ANKHD1: variants seen among roughly 807,000 people sequenced by gnomAD.
ANKHD1 encodes ankyrin repeat and KH domain-containing protein 1.
Under a neutral mutation model 230.5 loss-of-function variants are expected in ANKHD1, and 31 were observed. The observed-to-expected ratio is 0.13, with a 90% confidence interval of 0.10 to 0.18. ANKHD1 has a LOEUF of 0.18. Among genes scored for constraint, ANKHD1 ranks in the 10% least tolerant of loss-of-function variants. ANKHD1 has a pLI of 1.00. For synonymous variants in ANKHD1, 1,074 were observed against 1,117.6 expected (o/e 0.96, Z 0.78); for missense variants, 2,256 against 3,071.3 (o/e 0.73, Z 6.27).
chr5:140,496,461 C>CTTT (rs770445733), intron 14 of ANKHD1, 59 bp from the exon 15 acceptor site: 467 of 512,548 alleles, frequency 9.1e-4, no homozygotes, highest in Non-Finnish European at 9.3e-4. Flanking sequence ...TTTTTCTTTT[C>CTTT]TTTTTTTTTT....
In ANKHD1 at chr5:140,528,593, CCTT is replaced by C. The variant is rs767513242; in HGVS notation, c.5650_5652del (p.Ser1884del). On this transcript the variant is annotated inframe_deletion, in exon 29 of 34. Coordinates refer to ENST00000360839, the MANE Select transcript of ANKHD1 (RefSeq NM_017747.3). ...GGCCCAGTTTGGAGGAACCTTCTCA[CCTT>C]CTCCTAACACATGGGGACCATTCCC... is the stretch of plus-strand genomic sequence containing the variant. The C allele has an allele frequency of 6.2e-7, 1 of 1,614,184 alleles. No individual in the cohort carries two copies. Among genetic ancestry groups the C allele is most frequent in the Non-Finnish European group, 8.5e-7 (1 of 1,180,036 alleles).
At chr5:140,425,100 C>G (rs2126881953) in intron 1 of ANKHD1, among the ~76,000 whole-genome samples, 1 of 152,192 alleles carries the variant, frequency 6.6e-6, no homozygotes, top group African/African-American at 2.4e-5. Flanking sequence ...ATAATAGATT[C>G]TGTGTTAAAG....
chr5:140,457,983 A>C (rs1424851398), intron 7 of ANKHD1, among the ~76,000 whole-genome samples: 7 of 152,202 alleles, frequency 4.6e-5, no homozygotes, highest in Non-Finnish European at 1.0e-4. Flanking sequence ...CTATGCAGAT[A>C]GGCCATGGTA....
At chr5:140,411,349 G>A (rs1344734234) in intron 1 of ANKHD1, among the ~76,000 whole-genome samples, 5 of 152,142 alleles carry the variant, frequency 3.3e-5, no homozygotes, top group Non-Finnish European at 5.9e-5. Flanking sequence ...TGAAAAATAG[G>A]CCATCTGATT....
chr5:140,533,908 GTTTTGCTAACATCTAC>G (rs1177899101), intron 29 of ANKHD1, among the ~76,000 whole-genome samples: 1 of 151,694 alleles, frequency 6.6e-6, no homozygotes, highest in African/African-American at 2.4e-5. Flanking sequence ...CTACCTCTAG[GTTTTGCTAACATCTAC>G]TTTGGTTAGC....
intron 15 of ANKHD1, among the ~76,000 whole-genome samples, chr5:140,500,955 A>T (rs900503452): frequency 2.0e-5 from 3 of 152,120 alleles, no homozygotes; most frequent in African/African-American, 7.2e-5. Flanking sequence ...CTTAAATTGT[A>T]ATTTTAAAGT....
intron 10 of ANKHD1, among the ~76,000 whole-genome samples, chr5:140,466,274 C>G (rs925498526): frequency 1.3e-5 from 2 of 152,002 alleles, no homozygotes; most frequent in Admixed American, 1.3e-4. Flanking sequence ...GCCTGTAATC[C>G]CAGCTACTTG....
At chr5:140,417,430 T>C (rs181502912) in intron 1 of ANKHD1, among the ~76,000 whole-genome samples, 2 of 151,592 alleles carry the variant, frequency 1.3e-5, no homozygotes, top group Non-Finnish European at 2.9e-5. Flanking sequence ...AATTAAAAAA[T>C]TTTTTAATTT....
chr5:140,415,503 A>G (rs1395753482), intron 1 of ANKHD1, among the ~76,000 whole-genome samples: 1 of 137,324 alleles, frequency 7.3e-6, no homozygotes, highest in African/African-American at 2.8e-5. Context: ...CAATGGTGCG[A>G]TCTCGGCTCA....
Position 140,539,079 on chromosome 5 carries a change from A to C in ANKHD1, c.7565A>C (p.Gln2522Pro). The part of the protein sequence containing the change: ...IQNSTECTDA[Q>P]QIWPGTWAPH... ...AATTCAACTGAATGCACTGATGCCC[A>C]GCAGGTAAAATGGGCTTAATGCTCT... The change falls in exon 33 of 34, where the codon CAG (glutamine) becomes CCG (proline). Residue 2522 changes from glutamine (Q) to proline (P), a missense_variant. This residue lies in a region of ANKHD1 where 778 missense variants were observed against 966.5 expected (regional missense o/e 0.80). Transcript: ENST00000360839. 1 of 1,599,298 alleles carries C rather than the reference A, an allele frequency of 6.3e-7. No individual in the cohort carries two copies. The highest frequency in any genetic ancestry group is 8.5e-7 in the Non-Finnish European group (1 of 1,174,994).
intron 24 of ANKHD1, among the ~76,000 whole-genome samples, chr5:140,515,234 C>T (rs181676901): frequency 2.6e-4 from 39 of 148,932 alleles, no homozygotes; most frequent in African/African-American, 8.2e-4. Context: ...GCTGAGATCA[C>T]GCCACTACAC....
intron 1 of ANKHD1, among the ~76,000 whole-genome samples, chr5:140,433,690 A>G (rs781361864): frequency 8.5e-5 from 13 of 152,164 alleles, no homozygotes; most frequent in Non-Finnish European, 1.9e-4. Flanking sequence ...TTTAGTAAAT[A>G]TTGAGAGAAT....
At chr5:140,478,173 T>C (rs893721604) in intron 10 of ANKHD1, among the ~76,000 whole-genome samples, 2 of 152,126 alleles carry the variant, frequency 1.3e-5, no homozygotes, top group East Asian at 3.8e-4. Flanking sequence ...GTACATGATA[T>C]TCTATGGTAT....
chr5:140,442,921 T>C (rs1773971295), intron 5 of ANKHD1, among the ~76,000 whole-genome samples: 1 of 152,034 alleles, frequency 6.6e-6, no homozygotes, highest in Non-Finnish European at 1.5e-5. Context: ...TTGTTTTTTT[T>C]TTGAGATGGA....
Position 140,524,155 on chromosome 5 carries a change from G to T in ANKHD1, c.4407G>T (p.Arg1469Ser), listed in dbSNP as rs770196924. ...KRKKKKEEQK[R>S]KQEEDEENKP... ...AAAAGAAAAAAGAGGAACAGAAAAG[G>T]AAACAGGAAGAAGATGAAGAAAACA... The change falls in exon 25 of 34, where the codon AGG (arginine) becomes AGT (serine). Residue 1469 changes from arginine to serine, a missense_variant. Around this residue, in one of 13 missense-constraint regions of ANKHD1, gnomAD observed 195 missense variants for 340.3 expected, o/e 0.57. Coordinates refer to ENST00000360839, the MANE Select transcript of ANKHD1 (RefSeq NM_017747.3). 7 of 1,598,706 alleles carry T rather than the reference G, an allele frequency of 4.4e-6. No individual in the cohort carries two copies. Among genetic ancestry groups the T allele is most frequent in the Non-Finnish European group, 4.3e-6 (5 of 1,175,538 alleles).
At position 140,438,681 on chromosome 5, in the gene ANKHD1, A is replaced by G. The variant is rs1490591347; in HGVS notation, c.617+64A>G. The stretch of plus-strand genomic sequence containing the variant: ...TGAATAGATTTTGGGGAAGTAGCCA[A>G]TTTTGGTTAAATATATCTTTTGGTG... On this transcript the variant is annotated intron_variant, in intron 3 of 33. Coordinates refer to ENST00000360839, the MANE Select transcript of ANKHD1 (RefSeq NM_017747.3). The G allele has an allele frequency of 1.8e-5, 26 of 1,465,024 alleles. No homozygotes were observed. In the Middle Eastern group the frequency reaches 5.5e-4, roughly 31 times the overall value. 90.8% of individuals were successfully genotyped at this position (1,465,024 alleles called of 1,614,324 possible). A position where few individuals can be genotyped will look rare whatever the true frequency, so the allele number is the denominator to read the frequency against.
At chr5:140,413,586 G>A (rs894851917) in intron 1 of ANKHD1, among the ~76,000 whole-genome samples, 5 of 152,128 alleles carry the variant, frequency 3.3e-5, no homozygotes, top group African/African-American at 1.2e-4. Context: ...GAATCATGCA[G>A]TATTTGTCCT....
Position 140,539,099 on chromosome 5 carries a change from T to C in ANKHD1, c.7569+16T>C, listed in dbSNP as rs988847638. 8 of 1,581,286 alleles carry C rather than the reference T, an allele frequency of 5.1e-6. No individual in the cohort carries two copies. The Admixed American group carries it at 9.5e-5, about 19-fold the overall frequency. ...TGCCCAGCAGGTAAAATGGGCTTAA[T>C]GCTCTTTTGTTTTTTAGATTTGTCA... On this transcript the variant is annotated intron_variant, in intron 33 of 33. Coordinates refer to ENST00000360839, the MANE Select transcript of ANKHD1 (RefSeq NM_017747.3).
Position 140,446,269 on chromosome 5 carries a change from A to T in ANKHD1, c.1147+294A>T, listed in dbSNP as rs1774271523. 3.3e-5 allele frequency among the ~76,000 whole-genome samples: 5 copies of T among 152,166 alleles called. No individual in the cohort carries two copies. The South Asian group carries it at 1.0e-3, about 31-fold the overall frequency. ...TATTTAATAACTTTTGTTTTATATG[A>T]TTTTTCCAATGTTTATTTAAAAAAT... is the stretch of plus-strand genomic sequence containing the variant. On this transcript the variant is annotated intron_variant, in intron 6 of 33. Coordinates refer to ENST00000360839, the MANE Select transcript of ANKHD1 (RefSeq NM_017747.3).
Sources: allele counts gnomAD v4.1 joint callset (sites outside exome capture counted in the v4.1 genomes callset), GRCh38; gene constraint gnomAD v4.1.1; regional missense constraint gnomAD v4.1.1; transcripts MANE v1.5; gene names NCBI Gene and HGNC (gene_info 2026-07-23, HGNC 2026-07-21).